Variants in N4BP2L1 observed in about 807,000 individuals in gnomAD.
N4BP2L1 encodes the protein NEDD4-binding protein 2-like 1.
A neutral mutation model predicts 21.2 loss-of-function variants in N4BP2L1; 12 were observed. That is an observed-to-expected ratio of 0.57 (90% CI 0.36 to 0.92). The LOEUF is 0.92. Ranked by LOEUF, N4BP2L1 falls within the 40% of genes least tolerant of loss-of-function variation. The pLI, the probability that N4BP2L1 is intolerant of heterozygous loss-of-function variation, is 0.01. For missense variants in N4BP2L1, 259 were observed against 310.6 expected (o/e 0.83, Z 1.25); for synonymous variants, 104 against 112.8 (o/e 0.92, Z 0.49).
intron 4 of N4BP2L1, 55 bp from the exon 5 acceptor site, chr13:32,403,255 A>C: frequency 6.6e-7 from 1 of 1,521,062 alleles, no homozygotes; most frequent in East Asian, 2.3e-5. Context: ...TGAGTTACTT[A>C]TATTTTACAA....
chr13:32,402,094 T>G lies in N4BP2L1; in HGVS notation c.*848A>C, dbSNP rs888170655. 8.1e-6 allele frequency: 8 copies of G among 985,298 alleles called. No homozygotes were observed. The African/African-American group carries it at 1.4e-4, about 17-fold the overall frequency. The allele number at this position is 985,298 out of a possible 1,614,324, so 61.0% of individuals were successfully genotyped here. A position where few individuals can be genotyped will look rare whatever the true frequency, so the allele number is the denominator to read the frequency against. On this transcript the variant is annotated 3_prime_UTR_variant, in exon 5 of 5. Transcript: ENST00000380130. ...TTCTTGCACTCCCAAACATTTGAGCTGCCGACTAATTACACATGTTAATAG... is the reference window on the plus strand; with the variant it reads ...TTCTTGCACTCCCAAACATTTGAGCGGCCGACTAATTACACATGTTAATAG...
chr13:32,404,096 G>C (rs960175594), intron 4 of N4BP2L1: 2 of 1,507,478 alleles, frequency 1.3e-6, no homozygotes, highest in South Asian at 1.2e-5. Flanking sequence ...CCTTTTAAAG[G>C]ACCAAGTCCA....
intron 1 of N4BP2L1, among the ~76,000 whole-genome samples, chr13:32,424,515 T>A (rs2074658252): frequency 6.6e-6 from 1 of 152,214 alleles, no homozygotes; most frequent in Non-Finnish European, 1.5e-5. Context: ...TCTCATATGC[T>A]TATTTGGCAT....
chr13:32,405,515 A>G (rs2073422719), intron 3 of N4BP2L1, among the ~76,000 whole-genome samples: 2 of 151,348 alleles, frequency 1.3e-5, no homozygotes, highest in Admixed American at 1.3e-4. Flanking sequence ...CTCTCTAAAC[A>G]AAACAAAAAG....
In N4BP2L1 at chr13:32,402,445, A is replaced by G. The variant is rs1164842852; in HGVS notation, c.*497T>C. ...TTAACATTAAAGGAAAATCAGTATC[A>G]TAAGAGTCGCACATCTCACATTTTT... On this transcript the variant is annotated 3_prime_UTR_variant, in exon 5 of 5. Transcript: ENST00000380130. 3.1e-6 allele frequency: 3 copies of G among 963,802 alleles called. No individual in the cohort carries two copies. The highest frequency in any genetic ancestry group is 3.7e-6 in the Non-Finnish European group (3 of 810,564). 59.7% of individuals were successfully genotyped at this position (963,802 alleles called of 1,614,324 possible). A position where few individuals can be genotyped will look rare whatever the true frequency, so the allele number is the denominator to read the frequency against.
intron 1 of N4BP2L1, among the ~76,000 whole-genome samples, chr13:32,421,854 T>TA (rs965866134): frequency 2.0e-5 from 3 of 151,688 alleles, no homozygotes; most frequent in South Asian, 2.1e-4. Flanking sequence ...TTGGCGTGAC[T>TA]AAAAAAAAAT....
intron 1 of N4BP2L1, among the ~76,000 whole-genome samples, chr13:32,418,059 G>A (rs1279876068): frequency 6.6e-6 from 1 of 152,220 alleles, no homozygotes; most frequent in Non-Finnish European, 1.5e-5. Context: ...ATTTGCCTAA[G>A]TAACGAGGAG....
chr13:32,428,003 CG>C lies in N4BP2L1; in HGVS notation c.79del (p.Arg27GlyfsTer44). 6.4e-7 allele frequency: 1 copy of C among 1,561,420 alleles called. No homozygotes were observed. Among genetic ancestry groups the C allele is most frequent in the South Asian group, 1.2e-5 (1 of 86,868 alleles). On this transcript the variant is annotated frameshift_variant, in exon 1 of 5. Transcript: ENST00000380130. LOFTEE classifies it high-confidence loss of function. ...AGGAGGTGTCCCCCGCGGGGGCGGC[CG>C]GGGCGGCCGCTGCCGCTGCTGCTGC... ...QQQQQRQRPP[R>X]PPPRGTPPRR...
Position 32,403,052 on chromosome 13 carries a change from T to G in N4BP2L1, c.622A>C (p.Asn208His). ...QDRNNALPSN[N>H]ARYWNSYTEF... Reference sequence around the variant, plus strand: ...GTGTAGGAATTCCAGTATCTGGCATTGTTGGAAGGCAATGCATTATTCCTG... The same window carrying G: ...GTGTAGGAATTCCAGTATCTGGCATGGTTGGAAGGCAATGCATTATTCCTG... The change falls in exon 5 of 5, where the codon AAT (asparagine) becomes CAT (histidine). Residue 208 changes from asparagine to histidine, a missense_variant. By Grantham distance (68) the Asn-to-His change is moderately conservative. Transcript: ENST00000380130. 1 of 1,614,128 alleles carries G rather than the reference T, an allele frequency of 6.2e-7. No homozygotes were observed. Among genetic ancestry groups the G allele is most frequent in the Non-Finnish European group, 8.5e-7 (1 of 1,180,018 alleles).
At chr13:32,428,433 T>A, upstream of N4BP2L1, 2 of 185,132 alleles carry the variant, frequency 1.1e-5, no homozygotes, top group Non-Finnish European at 1.1e-5. Flanking sequence ...CCAGGCCTCC[T>A]GCCACAGCCC....
At chr13:32,405,892 C>CCTTTT in intron 3 of N4BP2L1, among the ~76,000 whole-genome samples, 1 of 101,192 alleles carries the variant, frequency 9.9e-6, no homozygotes, top group Non-Finnish European at 1.8e-5. Context: ...TTCCTGCCCC[C>CCTTTT]TTTTTTTTTT....
At position 32,402,550 on chromosome 13, in the gene N4BP2L1, C is replaced by T. The variant is rs1237421628; in HGVS notation, c.*392G>A. 25 of 988,078 alleles carry T rather than the reference C, an allele frequency of 2.5e-5. No individual in the cohort carries two copies. Among genetic ancestry groups the T allele is most frequent in the Non-Finnish European group, 3.0e-5 (25 of 832,204 alleles). The allele number at this position is 988,078 out of a possible 1,614,324, so 61.2% of individuals were successfully genotyped here. The stretch of plus-strand genomic sequence containing the variant: ...CCACCACTTCTCTCCACCTTCCCAA[C>T]TTTACCGATGGAGATGAATTTCCTG... On this transcript the variant is annotated 3_prime_UTR_variant, in exon 5 of 5. Coordinates refer to ENST00000380130, the MANE Select transcript of N4BP2L1 (RefSeq NM_052818.3).
intron 1 of N4BP2L1, chr13:32,419,320 A>T (rs1017301788): frequency 3.7e-5 from 14 of 375,974 alleles, no homozygotes; most frequent in African/African-American, 2.8e-4. Flanking sequence ...ATCTAAGCTC[A>T]CTGCAACCTA....
intron 1 of N4BP2L1, chr13:32,411,639 T>C (rs1256914886): frequency 1.0e-6 from 1 of 984,998 alleles, no homozygotes; most frequent in Non-Finnish European, 1.2e-6. Context: ...AGGGAAAAAA[T>C]AGAAAGATAA....
chr13:32,424,403 C>CATTTGAG (rs2074650363), intron 1 of N4BP2L1, among the ~76,000 whole-genome samples: 1 of 152,240 alleles, frequency 6.6e-6, no homozygotes, highest in Non-Finnish European at 1.5e-5. Context: ...GCCTCCCCAG[C>CATTTGAG]CTTCACCACC....
chr13:32,419,713 T>C (rs1261789206), intron 1 of N4BP2L1, among the ~76,000 whole-genome samples: 1 of 152,178 alleles, frequency 6.6e-6, no homozygotes, highest in Non-Finnish European at 1.5e-5. Flanking sequence ...TGCTGAACTG[T>C]GAGTCAATTA....
intron 1 of N4BP2L1, among the ~76,000 whole-genome samples, chr13:32,427,614 C>T (rs781778287): frequency 5.9e-5 from 9 of 152,090 alleles, no homozygotes; most frequent in Non-Finnish European, 8.8e-5. Context: ...TACGGGAATC[C>T]GTCCCCCCCG....
chr13:32,427,766 G>T, intron 1 of N4BP2L1, 138 bp downstream of exon 1: 1 of 378,316 alleles, frequency 2.6e-6, no homozygotes, highest in Non-Finnish European at 4.2e-6. Context: ...TTGGGCTGGG[G>T]CTGGGGCCGG....
At chr13:32,420,950 C>T (rs758377136) in intron 1 of N4BP2L1, among the ~76,000 whole-genome samples, 1 of 152,212 alleles carries the variant, frequency 6.6e-6, no homozygotes, top group African/African-American at 2.4e-5. Flanking sequence ...CCCGCCTCAG[C>T]CTCCCAAAGT....
Sources: allele counts gnomAD v4.1 joint callset (sites outside exome capture counted in the v4.1 genomes callset), GRCh38; gene constraint gnomAD v4.1.1; transcripts MANE v1.5; gene names NCBI Gene and HGNC (gene_info 2026-07-23, HGNC 2026-07-21).